The following NSD2 variants were observed in gnomAD, a reference collection of about 807,000 sequenced individuals.
NSD2 encodes histone-lysine N-methyltransferase NSD2.
In NSD2, 12 loss-of-function variants were observed where a neutral mutation model predicts 139.0. The ratio of observed to expected loss-of-function variants is 0.09; its 90% CI spans 0.06 to 0.14. The LOEUF (loss-of-function observed/expected upper bound fraction) is 0.14, where lower values mean the gene tolerates loss of function less well. NSD2 is among the 10% of genes least tolerant of loss of function. NSD2 has a pLI of 1.00. For synonymous variants in NSD2, 669 were observed against 648.7 expected (o/e 1.03, Z -0.48); for missense variants, 1,155 against 1,745.0 (o/e 0.66, Z 6.02).
rs1219978324 is a variant in NSD2, at chr4:1,976,288, T to C, written c.3622-187T>C. ...CTAGTCGTAGTCTTTGTTCAGCTTTTTCACGCTGAGTCGAGTGAGTCTAAG... is the reference window on the plus strand; with the variant it reads ...CTAGTCGTAGTCTTTGTTCAGCTTTCTCACGCTGAGTCGAGTGAGTCTAAG... On this transcript the variant is annotated intron_variant, in intron 20 of 21. Coordinates refer to ENST00000508803, the MANE Select transcript of NSD2 (RefSeq NM_001042424.3). This position sits in a 1 kb window ranked among gnomAD's most constrained non-coding sequence, Gnocchi z 5.3. 2 of 643,798 alleles carry C rather than the reference T, an allele frequency of 3.1e-6. No homozygotes were observed. The highest frequency in any genetic ancestry group is 1.8e-5 in the African/African-American group (1 of 54,488). The allele number at this position is 643,798 out of a possible 1,614,324, so 39.9% of individuals were successfully genotyped here.
At chr4:1,899,531 AT>A (rs925243096) in intron 1 of NSD2, 1 of 152,196 alleles carries the variant, frequency 6.6e-6, no homozygotes, top group Non-Finnish European at 1.5e-5. Flanking sequence ...CTGTACTCAG[AT>A]TTTCCCTAGT....
At chr4:1,925,346 G>A (rs1420777089) in intron 5 of NSD2, among the ~76,000 whole-genome samples, 1 of 123,684 alleles carries the variant, frequency 8.1e-6, no homozygotes, top group Non-Finnish European at 1.7e-5. Context: ...AGGACTTTTT[G>A]TTGCTACTTG....
At chr4:1,871,820 C>T (rs1049189576) in intron 1 of NSD2, among the ~76,000 whole-genome samples, 11 of 136,396 alleles carry the variant, frequency 8.1e-5, no homozygotes, top group Non-Finnish European at 1.6e-4. Flanking sequence ...GAGGCCGGGA[C>T]GAGTCCGGGC....
intron 5 of NSD2, among the ~76,000 whole-genome samples, chr4:1,925,389 C>CTTTTT (rs34335852): frequency 2.9e-4 from 11 of 38,006 alleles, no homozygotes; most frequent in East Asian, 1.2e-3. Context: ...CTTTTTCTTT[C>CTTTTT]TTTTTTTTTT....
At chr4:1,905,893 G>T (rs1178186509) in intron 3 of NSD2, among the ~76,000 whole-genome samples, 1 of 152,180 alleles carries the variant, frequency 6.6e-6, no homozygotes, top group Non-Finnish European at 1.5e-5. Context: ...CTCGGTCAGT[G>T]TATGAAAAAA....
chr4:1,893,098 C>T (rs1560571403), intron 1 of NSD2, among the ~76,000 whole-genome samples: 1 of 152,170 alleles, frequency 6.6e-6, no homozygotes, highest in Non-Finnish European at 1.5e-5. Flanking sequence ...CCAGGTTTGA[C>T]ATCTCTAACT....
rs1377787222 is a variant in NSD2 at position 1,943,123 on chromosome 4, C to T, written c.1881+3345C>T. 7 of 1,045,978 alleles carry T rather than the reference C, an allele frequency of 6.7e-6. No homozygotes were observed. In the African/African-American group the frequency reaches 1.0e-4, roughly 15 times the overall value. The allele number at this position is 1,045,978 out of a possible 1,614,324, so 64.8% of individuals were successfully genotyped here. Reference sequence around the variant, plus strand: ...AGCATCAGCCCTCATGTTTCATTGTCTTAATGTCGGGGAGCAGCCTGGTGT... The same window carrying T: ...AGCATCAGCCCTCATGTTTCATTGTTTTAATGTCGGGGAGCAGCCTGGTGT... On this transcript the variant is annotated intron_variant, in intron 9 of 21. Transcript: ENST00000508803.
At chr4:1,963,395 T>C (rs1725560652) in intron 18 of NSD2, among the ~76,000 whole-genome samples, 1 of 152,194 alleles carries the variant, frequency 6.6e-6, no homozygotes, top group Admixed American at 6.5e-5. Context: ...AAGGGACTAA[T>C]AAACTTGCCC....
In NSD2 at chr4:1,974,805, C is replaced by T. The variant is rs1428490471; in HGVS notation, c.3373-58C>T. On this transcript the variant is annotated intron_variant, in intron 18 of 21. Transcript: ENST00000508803. The surrounding 1 kb of genome is among the most constrained non-coding windows in gnomAD (Gnocchi z 4.0). ...TGTGCTTTATGATGGTGAAAATTCCCTTTAAAAATAACATGCGATTGCTAA... is the reference window on the plus strand; with the variant it reads ...TGTGCTTTATGATGGTGAAAATTCCTTTTAAAAATAACATGCGATTGCTAA... 3.7e-6 allele frequency: 6 copies of T among 1,608,492 alleles called. No homozygotes were observed. Among genetic ancestry groups the T allele is most frequent in the East Asian group, 2.2e-5 (1 of 44,802 alleles).
At chr4:1,882,615 G>T (rs1714785948) in intron 1 of NSD2, among the ~76,000 whole-genome samples, 1 of 152,156 alleles carries the variant, frequency 6.6e-6, no homozygotes, top group Non-Finnish European at 1.5e-5. Flanking sequence ...AGTGAGCTGA[G>T]ATCGCGCCAC....
rs1722719321 is a variant in NSD2, at chr4:1,938,457, A to C, written c.1681A>C (p.Thr561Pro). Residue 561 changes from threonine (T) to proline (P), a missense_variant, in exon 8 of 22, where the codon ACA becomes CCA. Coordinates refer to ENST00000508803, the MANE Select transcript of NSD2 (RefSeq NM_001042424.3). ...TDKHSLRKRD[T>P]ITDKTARTSS... Reference sequence around the variant, plus strand: ...TTTTTTTTTTAAATAATAGAGAGACACAATCACTGACAAAACGGCCAGAAC... The same window carrying C: ...TTTTTTTTTTAAATAATAGAGAGACCCAATCACTGACAAAACGGCCAGAAC... The C allele has an allele frequency of 6.5e-7, 1 of 1,532,132 alleles. No homozygotes were observed. Among genetic ancestry groups the C allele is most frequent in the East Asian group, 2.3e-5 (1 of 43,042 alleles). 94.9% of individuals were successfully genotyped at this position (1,532,132 alleles called of 1,614,324 possible).
At chr4:1,945,396 G>T (rs1267371045) in intron 9 of NSD2, 2 of 1,064,794 alleles carry the variant, frequency 1.9e-6, no homozygotes, top group African/African-American at 3.3e-5. Flanking sequence ...CATGGTGTGT[G>T]TGTCCAGAGG....
chr4:1,890,858 A>G (rs992830267), intron 1 of NSD2, among the ~76,000 whole-genome samples: 10 of 151,862 alleles, frequency 6.6e-5, no homozygotes, highest in Non-Finnish European at 1.3e-4. Context: ...CAGCCTCCCA[A>G]AGTGCTGGGA....
At position 1,979,730 on chromosome 4, in the gene NSD2, G is replaced by C. The variant is rs2109039408; in HGVS notation, c.*821G>C. 4.3e-6 allele frequency: 1 copy of C among 232,198 alleles called. No individual in the cohort carries two copies. The highest frequency in any genetic ancestry group is 5.6e-5 in the Admixed American group (1 of 17,754). The allele number at this position is 232,198 out of a possible 1,614,324, so 14.4% of individuals were successfully genotyped here. On this transcript the variant is annotated 3_prime_UTR_variant, in exon 22 of 22. Transcript: ENST00000508803. ...ATAACTTTGTATATTTTTTTCATTT[G>C]GCTTTTCTTTACCAGTTTCTGATTT...
chr4:1,910,801 T>C (rs1336126659), intron 3 of NSD2, among the ~76,000 whole-genome samples: 2 of 152,222 alleles, frequency 1.3e-5, no homozygotes, highest in Non-Finnish European at 2.9e-5. Flanking sequence ...TTTCTACTTG[T>C]AGTTCTGGCA....
In NSD2 at chr4:1,900,749, A is replaced by G. The variant is rs1423297284; in HGVS notation, c.95A>G (p.Asn32Ser). Residue 32 changes from asparagine to serine, a missense_variant, in exon 2 of 22, where the codon AAC (asparagine) becomes AGC (serine). Asn to Ser is a conservative substitution (Grantham distance 46). Transcript: ENST00000508803. ...GCACCAGAAATCCTCGGCAGTGCCAACGGGAAGACTCCGAGCTGCGAGGTG... is the reference window on the plus strand; with the variant it reads ...GCACCAGAAATCCTCGGCAGTGCCAGCGGGAAGACTCCGAGCTGCGAGGTG... ...KQAPEILGSA[N>S]GKTPSCEVNR... is the part of the protein sequence containing the mutation. The G allele has an allele frequency of 8.1e-6, 13 of 1,614,074 alleles. No individual in the cohort carries two copies. In the South Asian group the frequency reaches 1.1e-4, roughly 14 times the overall value.
intron 9 of NSD2, among the ~76,000 whole-genome samples, chr4:1,950,313 C>T (rs370035048): frequency 3.9e-5 from 6 of 152,152 alleles, no homozygotes; most frequent in East Asian, 1.9e-4. Flanking sequence ...ATACAACCTG[C>T]GAGCAATTCC....
rs28649542 is a variant in NSD2 at position 1,977,183 on chromosome 4, G to T, written c.3826+504G>T. 4.7e-3 allele frequency among the ~76,000 whole-genome samples: 713 copies of T among 152,366 alleles called. 7 individuals are homozygous for T. Among genetic ancestry groups the T allele is most frequent in the African/African-American group, 0.016 (677 of 41,584 alleles). On this transcript the variant is annotated intron_variant, in intron 21 of 21. Transcript: ENST00000508803. Reference sequence around the variant, plus strand: ...GTGCTGTGCACCAGGAGGCTCCGCCGGTTGACGAAGGAGCTGCAGCTCTGG... The same window carrying T: ...GTGCTGTGCACCAGGAGGCTCCGCCTGTTGACGAAGGAGCTGCAGCTCTGG...
chr4:1,935,224 A>G lies in NSD2; in HGVS notation c.1636A>G (p.Arg546Gly). ...TEDAEAEDTP[R>G]KRLRTDKHSL... is the part of the protein sequence containing the mutation. ...AGATGCTGAAGCTGAGGACACACCCAGGAAAAGACTCAGGACGGACAAGCA... is the reference window on the plus strand; with the variant it reads ...AGATGCTGAAGCTGAGGACACACCCGGGAAAAGACTCAGGACGGACAAGCA... The change falls in exon 7 of 22, where the codon AGG (arginine) becomes GGG (glycine). Residue 546 changes from arginine (R) to glycine (G), a missense_variant. Physicochemically the swap from Arg to Gly is moderately radical, Grantham distance 125 (BLOSUM62 -2). Around this residue, in one of 8 missense-constraint regions of NSD2, gnomAD observed 420 missense variants for 469.0 expected, o/e 0.90. Transcript: ENST00000508803. 1.2e-6 allele frequency: 2 copies of G among 1,613,656 alleles called. No individual in the cohort carries two copies. Among genetic ancestry groups the G allele is most frequent in the Non-Finnish European group, 1.7e-6 (2 of 1,179,704 alleles).
Sources: allele counts gnomAD v4.1 joint callset (sites outside exome capture counted in the v4.1 genomes callset), GRCh38; gene constraint gnomAD v4.1.1; regional missense constraint gnomAD v4.1.1; non-coding constraint Gnocchi (gnomAD v3.1); transcripts MANE v1.5; gene names NCBI Gene and HGNC (gene_info 2026-07-23, HGNC 2026-07-21).